Variants in MMP26 observed in about 807,000 individuals in gnomAD.
MMP26 encodes the protein matrix metalloproteinase-26.
MMP26 carries 33 observed loss-of-function variants against 31.0 expected under a neutral mutation model. The ratio of observed to expected loss-of-function variants is 1.06; its 90% CI spans 0.81 to 1.42. The LOEUF (loss-of-function observed/expected upper bound fraction) is 1.42, where lower values mean the gene tolerates loss of function less well. Among genes scored for constraint, MMP26 ranks in the 40% most tolerant of loss-of-function variants. The probability of loss-of-function intolerance (pLI) is 0.00; values close to 1 mark genes in which losing one functional copy is unlikely to be tolerated. For synonymous variants in MMP26, 122 were observed against 114.9 expected, an observed-to-expected ratio of 1.06 and a Z score of -0.40; for missense variants, 347 against 316.1, an observed-to-expected ratio of 1.10 and a Z score of -0.74.
At chr11:4,718,959 G>A (rs1022529637) in intron 1 of MMP26, 2 of 193,596 alleles carry the variant, frequency 1.0e-5, no homozygotes, top group South Asian at 1.0e-4. Context: ...AATCTTCAGT[G>A]CTGTTGGCCA....
At chr11:4,895,963 C>T (rs1850695599) in intron 2 of MMP26, among the ~76,000 whole-genome samples, 1 of 152,158 alleles carries the variant, frequency 6.6e-6, no homozygotes, top group Non-Finnish European at 1.5e-5. Flanking sequence ...ATTTTCACAA[C>T]TTCTCCAAGT....
At chr11:4,707,540 G>C (rs1173603547) in intron 1 of MMP26, among the ~76,000 whole-genome samples, 2 of 152,110 alleles carry the variant, frequency 1.3e-5, no homozygotes, top group Non-Finnish European at 2.9e-5. Context: ...ATGACCTTGA[G>C]GTCATTACTT....
intron 2 of MMP26, chr11:4,848,869 C>T: frequency 6.2e-7 from 1 of 1,614,174 alleles, no homozygotes; most frequent in Non-Finnish European, 8.5e-7. Context: ...ACAGAAAAGA[C>T]ATGGATAAAA....
intron 2 of MMP26, among the ~76,000 whole-genome samples, chr11:4,919,927 T>C (rs534039975): frequency 3.0e-4 from 45 of 152,138 alleles, no homozygotes; most frequent in Non-Finnish European, 5.4e-4. Flanking sequence ...CAGTCCTTTG[T>C]TTCCAGACAT....
chr11:4,873,171 G>A (rs1386783290), intron 2 of MMP26, among the ~76,000 whole-genome samples: 4 of 152,044 alleles, frequency 2.6e-5, no homozygotes, highest in Admixed American at 2.0e-4. Context: ...TAAGGAATCA[G>A]GGGCCTCGTT....
intron 1 of MMP26, among the ~76,000 whole-genome samples, chr11:4,727,450 A>G (rs2133280804): frequency 6.6e-6 from 1 of 152,296 alleles, no homozygotes; most frequent in Admixed American, 6.5e-5. Flanking sequence ...TTATGGCCAT[A>G]TTTGAAAAAA....
rs566373734 is a variant in MMP26, at chr11:4,924,283, G to A, written c.-144-63785G>A. ...AGCCATGGAGACCTTCTAGACCTTGGAAGCCCGTCAGGAAGAAAGTGGCTC... is the reference window on the plus strand; with the variant it reads ...AGCCATGGAGACCTTCTAGACCTTGAAAGCCCGTCAGGAAGAAAGTGGCTC... On this transcript the variant is annotated intron_variant, in intron 2 of 7. Coordinates refer to ENST00000380390, the MANE Select transcript of MMP26 (RefSeq NM_021801.5). 219 of 1,613,776 alleles carry A rather than the reference G, an allele frequency of 1.4e-4. 1 individual carries two copies. The Middle Eastern group carries it at 1.5e-3, about 11-fold the overall frequency.
intron 2 of MMP26, chr11:4,860,192 A>C (rs1172013319): frequency 4.2e-6 from 2 of 470,958 alleles, no homozygotes; most frequent in Non-Finnish European, 8.8e-6. Flanking sequence ...ATGGCCACAA[A>C]TCTGTCAAAG....
Position 4,923,315 on chromosome 11 carries a change from C to T in MMP26, c.-144-64753C>T, listed in dbSNP as rs997637502. The T allele has an allele frequency of 1.7e-5, 26 of 1,502,600 alleles. No homozygotes were observed. The Admixed American group carries it at 2.3e-4, about 13-fold the overall frequency. The allele number at this position is 1,502,600 out of a possible 1,614,324, so 93.1% of individuals were successfully genotyped here. A position where few individuals can be genotyped will look rare whatever the true frequency, so the allele number is the denominator to read the frequency against. ...GGTTTATTATTTTGCCACAGCACAGCTGAAAACAAACAGAAACCTGTGGGC... is the reference window on the plus strand; with the variant it reads ...GGTTTATTATTTTGCCACAGCACAGTTGAAAACAAACAGAAACCTGTGGGC... On this transcript the variant is annotated intron_variant, in intron 2 of 7. Transcript: ENST00000380390.
intron 2 of MMP26, among the ~76,000 whole-genome samples, chr11:4,805,457 G>A (rs1009532412): frequency 2.6e-5 from 4 of 152,196 alleles, no homozygotes; most frequent in African/African-American, 9.6e-5. Context: ...ACATAAATGT[G>A]TGAGTGTGGT....
In MMP26 at chr11:4,716,236, C is replaced by T. The variant is rs529903572; in HGVS notation, c.-217+11191C>T. Among the ~76,000 whole-genome samples, 4 of 152,292 alleles carry T rather than the reference C, an allele frequency of 2.6e-5. No individual in the cohort carries two copies. In the East Asian group the frequency reaches 5.8e-4, roughly 22 times the overall value. ...GGCTGGAATTTTAATTTCAACCGTG[C>T]GAGATCCTGAGTAGTGCACCTACTT... On this transcript the variant is annotated intron_variant, in intron 1 of 7. Transcript: ENST00000380390.
intron 2 of MMP26, among the ~76,000 whole-genome samples, chr11:4,881,449 T>A (rs1850461836): frequency 6.6e-6 from 1 of 152,180 alleles, no homozygotes; most frequent in Admixed American, 6.5e-5. Flanking sequence ...TACATAATTT[T>A]AAAAACACTT....
At chr11:4,987,763 G>C (rs946168750) in intron 2 of MMP26, among the ~76,000 whole-genome samples, 4 of 152,174 alleles carry the variant, frequency 2.6e-5, no homozygotes, top group African/African-American at 9.7e-5. Context: ...TATTACAGCA[G>C]ACATTATTTA....
chr11:4,923,871 G>A, intron 2 of MMP26: 2 of 1,614,028 alleles, frequency 1.2e-6, no homozygotes, highest in Non-Finnish European at 8.5e-7. Flanking sequence ...GGGAGGATGA[G>A]GAGAGCACTT....
At chr11:4,742,738 C>T (rs1215581987) in intron 1 of MMP26, among the ~76,000 whole-genome samples, 4 of 152,052 alleles carry the variant, frequency 2.6e-5, no homozygotes, top group African/African-American at 9.7e-5. Flanking sequence ...TAGAATATTG[C>T]CGATGCTCTT....
At position 4,723,149 on chromosome 11, in the gene MMP26, A is replaced by C. The variant is rs1306926185; in HGVS notation, c.-217+18104A>C. 3 of 1,598,988 alleles carry C rather than the reference A, an allele frequency of 1.9e-6. No individual in the cohort carries two copies. The African/African-American group carries it at 4.0e-5, about 21-fold the overall frequency. On this transcript the variant is annotated intron_variant, in intron 1 of 7. Transcript: ENST00000380390. ...GGACAGCTTGGAGTTGGCATCCTTAATGGCCAGCTCCCCACGCTGCTCGGC... is the reference window on the plus strand; with the variant it reads ...GGACAGCTTGGAGTTGGCATCCTTACTGGCCAGCTCCCCACGCTGCTCGGC...
At chr11:4,923,740 A>G in intron 2 of MMP26, 3 of 1,614,100 alleles carry the variant, frequency 1.9e-6, no homozygotes, top group African/African-American at 1.3e-5. Flanking sequence ...CAAAGAGCCC[A>G]TAGATGTGAT....
chr11:4,892,331 C>T (rs1850637492), intron 2 of MMP26, among the ~76,000 whole-genome samples: 1 of 152,202 alleles, frequency 6.6e-6, no homozygotes, highest in Non-Finnish European at 1.5e-5. Context: ...TCTTTAGCAA[C>T]TCCAATTAGG....
Position 4,898,831 on chromosome 11 carries a change from CTGTGTGTGTGTGTGTG to C in MMP26, c.-144-89207_-144-89192del, listed in dbSNP as rs1157500335. Among the ~76,000 whole-genome samples the C allele has an allele frequency of 4.9e-3, 458 of 94,244 alleles. 3 individuals carry two copies. Among genetic ancestry groups the C allele is most frequent in the African/African-American group, 0.018 (438 of 24,316 alleles). The allele number at this position is 94,244 out of a possible 152,430, so 61.8% of individuals were successfully genotyped here. On this transcript the variant is annotated intron_variant, in intron 2 of 7. Coordinates refer to ENST00000380390, the MANE Select transcript of MMP26 (RefSeq NM_021801.5). ...GAAATCTCTCTCTCTCTCTCTCTCT[CTGTGTGTGTGTGTGTG>C]TGTGTGTGTGTGTGTGTGTGTGTGT...
Sources: allele counts gnomAD v4.1 joint callset (sites outside exome capture counted in the v4.1 genomes callset), GRCh38; gene constraint gnomAD v4.1.1; transcripts MANE v1.5; gene names NCBI Gene and HGNC (gene_info 2026-07-23, HGNC 2026-07-21).